NRG1: variants seen among roughly 807,000 people sequenced by gnomAD.
The protein encoded by NRG1 is pro-neuregulin-1, membrane-bound isoform.
A neutral mutation model predicts 63.8 loss-of-function variants in NRG1; 18 were observed. The observed-to-expected ratio is 0.28, with a 90% CI of 0.19 to 0.42. The LOEUF is 0.42. NRG1 is among the 10% of genes least tolerant of loss of function. NRG1 has a pLI of 1.00. For missense variants in NRG1, 762 were observed against 814.7 expected, an observed-to-expected ratio of 0.94 and a Z score of 0.79; for synonymous variants, 302 against 301.3, an observed-to-expected ratio of 1.00 and a Z score of -0.02.
intron 1 of NRG1, among the ~76,000 whole-genome samples, chr8:32,405,387 T>G (rs1230433635): frequency 6.6e-6 from 1 of 152,224 alleles, no homozygotes; most frequent in African/African-American, 2.4e-5. Context: ...AATAAGCAAA[T>G]GCTTCAAGTA....
intron 1 of NRG1, among the ~76,000 whole-genome samples, chr8:32,372,783 G>C (rs184684330): frequency 6.6e-6 from 1 of 152,100 alleles, no homozygotes; most frequent in African/African-American, 2.4e-5. Flanking sequence ...TCTGCCACCC[G>C]AACTGAAGTT....
At chr8:32,213,490 A>C (rs1024521119) in intron 1 of NRG1, among the ~76,000 whole-genome samples, 36 of 152,240 alleles carry the variant, frequency 2.4e-4, no homozygotes, top group African/African-American at 7.5e-4. Flanking sequence ...CATCAGAATA[A>C]ATAGCTAATG....
chr8:31,786,177 A>G (rs1820149070), intron 1 of NRG1, among the ~76,000 whole-genome samples: 2 of 152,224 alleles, frequency 1.3e-5, no homozygotes, highest in South Asian at 4.1e-4. Flanking sequence ...CTTTCTGCAA[A>G]GAATTGAGTT....
rs148439639 is a variant in NRG1, at chr8:32,152,942, C to G, written c.38-442886C>G. Among the ~76,000 whole-genome samples, 1,402 of 152,238 alleles carry G rather than the reference C, an allele frequency of 9.2e-3. 18 individuals carry two copies. The highest frequency in any genetic ancestry group is 0.032 in the African/African-American group (1,343 of 41,536). The stretch of plus-strand genomic sequence containing the variant: ...GTCCAGGAACTCAAGTTTAGAGGCT[C>G]AAATGTAGAGAATACTAATAACCAC... On this transcript the variant is annotated intron_variant, in intron 1 of 10. Coordinates refer to the NRG1 transcript ENST00000519301.
At chr8:31,987,604 G>T (rs1440049496) in intron 1 of NRG1, among the ~76,000 whole-genome samples, 1 of 151,750 alleles carries the variant, frequency 6.6e-6, no homozygotes, top group Non-Finnish European at 1.5e-5. Flanking sequence ...ATGGAGGTTG[G>T]GAGGAGGATG....
chr8:31,961,169 A>T (rs1262876992), intron 1 of NRG1, among the ~76,000 whole-genome samples: 1 of 152,186 alleles, frequency 6.6e-6, no homozygotes, highest in Non-Finnish European at 1.5e-5. Flanking sequence ...AGAGGTGCAG[A>T]CTTCGCTTTG....
At chr8:32,738,207 A>C (rs1825561146) in intron 6 of NRG1, among the ~76,000 whole-genome samples, 1 of 152,056 alleles carries the variant, frequency 6.6e-6, no homozygotes, top group Non-Finnish European at 1.5e-5. Flanking sequence ...TGCAATACAA[A>C]AGGCAAGGAG....
intron 1 of NRG1, among the ~76,000 whole-genome samples, chr8:31,644,507 G>C (rs1804107735): frequency 6.6e-6 from 1 of 152,126 alleles, no homozygotes; most frequent in South Asian, 2.1e-4. Context: ...CTGAATGTAG[G>C]GAAAGTCTTA....
intron 5 of NRG1, among the ~76,000 whole-genome samples, chr8:32,623,684 A>G (rs2129542872): frequency 6.6e-6 from 1 of 152,344 alleles, no homozygotes; most frequent in Middle Eastern, 3.4e-3. Context: ...AGCCATTCAT[A>G]GGTGCAAGCA....
chr8:31,914,187 C>T (rs1381335452), intron 1 of NRG1, among the ~76,000 whole-genome samples: 3 of 152,074 alleles, frequency 2.0e-5, no homozygotes, highest in Non-Finnish European at 4.4e-5. Flanking sequence ...GATTGGTTCA[C>T]GTGGATAGAG....
At chr8:32,065,172 G>C (rs558792099) in intron 1 of NRG1, among the ~76,000 whole-genome samples, 11 of 150,500 alleles carry the variant, frequency 7.3e-5, no homozygotes, top group African/African-American at 2.7e-4. Context: ...AGAACTTTGT[G>C]GCCATCGATT....
At chr8:32,082,122 A>T (rs779516351) in intron 1 of NRG1, among the ~76,000 whole-genome samples, 9 of 152,112 alleles carry the variant, frequency 5.9e-5, no homozygotes, top group Non-Finnish European at 1.2e-4. Context: ...GCTTGTTGAC[A>T]AAAACCAGGC....
intron 1 of NRG1, among the ~76,000 whole-genome samples, chr8:31,873,564 C>G (rs1388267743): frequency 6.6e-6 from 1 of 151,946 alleles, no homozygotes; most frequent in Non-Finnish European, 1.5e-5. Context: ...GTCTGAAAAA[C>G]AAAACAAAAC....
At chr8:32,331,561 C>G (rs1387663527) in intron 1 of NRG1, among the ~76,000 whole-genome samples, 1 of 151,830 alleles carries the variant, frequency 6.6e-6, no homozygotes, top group African/African-American at 2.4e-5. Flanking sequence ...TCAAATTGCC[C>G]CTTTACAATT....
chr8:32,140,758 A>T (rs1836145883), intron 1 of NRG1, among the ~76,000 whole-genome samples: 1 of 152,082 alleles, frequency 6.6e-6, no homozygotes, highest in Non-Finnish European at 1.5e-5. Context: ...CCACCCATGT[A>T]CCTGGTTTCT....
At chr8:32,754,217 T>C in intron 7 of NRG1, 155 bp from the exon 8 acceptor site, 1 of 664,092 alleles carries the variant, frequency 1.5e-6, no homozygotes. Context: ...CAGAGCATGT[T>C]GTACCTTAGC....
intron 1 of NRG1, among the ~76,000 whole-genome samples, chr8:32,354,812 A>G (rs1168427476): frequency 6.6e-6 from 1 of 150,948 alleles, no homozygotes; most frequent in African/African-American, 2.4e-5. Context: ...AAAAAAAAAA[A>G]AACATATAAC....
At chr8:32,705,660 G>T (rs1282003430) in intron 5 of NRG1, among the ~76,000 whole-genome samples, 1 of 152,168 alleles carries the variant, frequency 6.6e-6, no homozygotes, top group East Asian at 1.9e-4. Flanking sequence ...AGACTTAGAT[G>T]TAGCACTTTG....
In NRG1 at chr8:32,034,071, A is replaced by G. The variant is rs184802217; in HGVS notation, c.37+394640A>G. ...TTCCAGCTTTTGCCTATTCAGTATG[A>G]TATTGGCTGTAGGTTTGTTATAAAT... is the stretch of plus-strand genomic sequence containing the variant. On this transcript the variant is annotated intron_variant, in intron 1 of 10. Transcript: ENST00000519301. Among the ~76,000 whole-genome samples the G allele has an allele frequency of 2.1e-3, 325 of 152,260 alleles. 1 individual carries two copies. The highest frequency in any genetic ancestry group is 7.4e-3 in the African/African-American group (309 of 41,550).
Sources: allele counts gnomAD v4.1 joint callset (sites outside exome capture counted in the v4.1 genomes callset), GRCh38; gene constraint gnomAD v4.1.1; transcripts MANE v1.5; gene names NCBI Gene and HGNC (gene_info 2026-07-23, HGNC 2026-07-21).